TMEM232: variants seen among roughly 807,000 people sequenced by gnomAD.
TMEM232 encodes transmembrane protein 232.
In TMEM232, 80 loss-of-function variants were observed where a neutral mutation model predicts 78.8. That is an observed-to-expected ratio of 1.01 (90% confidence interval 0.85 to 1.22). The LOEUF is 1.22. Among genes scored for constraint, TMEM232 ranks in the 50% most tolerant of loss-of-function variants. TMEM232 has a pLI of 0.00. For missense variants in TMEM232, 881 were observed against 742.2 expected (o/e 1.19, Z -2.17); for synonymous variants, 297 against 254.3 (o/e 1.17, Z -1.60).
intron 12 of TMEM232, among the ~76,000 whole-genome samples, chr5:110,457,523 ATC>A (rs1041891971): frequency 6.6e-6 from 1 of 152,116 alleles, no homozygotes; most frequent in African/African-American, 2.4e-5. Flanking sequence ...TGAAATAAAA[ATC>A]TGTTTGTTCA....
At chr5:110,610,216 A>AAAGG (rs1554057504) in intron 8 of TMEM232, among the ~76,000 whole-genome samples, 4 of 131,722 alleles carry the variant, frequency 3.0e-5, no homozygotes, top group African/African-American at 1.3e-4. Flanking sequence ...GGAAGGAAGG[A>AAAGG]AGGGAGGGAG....
At chr5:110,450,559 G>T (rs185777784) in intron 12 of TMEM232, among the ~76,000 whole-genome samples, 2 of 152,020 alleles carry the variant, frequency 1.3e-5, no homozygotes, top group African/African-American at 4.8e-5. Flanking sequence ...GGTTTAGCAC[G>T]AATGCAGGTA....
chr5:110,433,465 A>G (rs934086660), intron 12 of TMEM232, among the ~76,000 whole-genome samples: 1 of 151,746 alleles, frequency 6.6e-6, no homozygotes, highest in Admixed American at 6.6e-5. Context: ...AAACTCAGGG[A>G]TGCATCAAAA....
At chr5:110,680,481 A>G (rs991314095) in intron 1 of TMEM232, among the ~76,000 whole-genome samples, 2 of 151,900 alleles carry the variant, frequency 1.3e-5, no homozygotes, top group African/African-American at 4.8e-5. Flanking sequence ...ATAAACATGA[A>G]AAGTATAAGG....
Position 110,642,262 on chromosome 5 carries a change from T to C in TMEM232, c.235A>G (p.Lys79Glu). 5 of 1,528,478 alleles carry C rather than the reference T, an allele frequency of 3.3e-6. No individual in the cohort carries two copies. The highest frequency in any genetic ancestry group is 3.5e-6 in the Non-Finnish European group (4 of 1,133,440). The allele number at this position is 1,528,478 out of a possible 1,614,324, so 94.7% of individuals were successfully genotyped here. ...ELARKIILRC[K>E]RKLGLKTLGS... Reference sequence around the variant, plus strand: ...ACAATCAAATGATATGCCATTACCTTACATCTGAGAATGATTTTTCTAGCT... The same window carrying C: ...ACAATCAAATGATATGCCATTACCTCACATCTGAGAATGATTTTTCTAGCT... The change falls in exon 3 of 14, where the codon AAG (lysine) becomes GAG (glutamate). Residue 79 changes from lysine (K) to glutamate (E), a missense_variant and splice_region_variant. Coordinates refer to ENST00000455884, the MANE Select transcript of TMEM232 (RefSeq NM_001039763.4).
At chr5:110,553,012 T>C (rs570205365) in intron 11 of TMEM232, among the ~76,000 whole-genome samples, 36 of 152,270 alleles carry the variant, frequency 2.4e-4, no homozygotes, top group African/African-American at 6.7e-4. Flanking sequence ...TTCCTCATTG[T>C]TATTGTCAAC....
intron 11 of TMEM232, among the ~76,000 whole-genome samples, chr5:110,562,150 A>C (rs1200749260): frequency 6.6e-6 from 1 of 152,100 alleles, no homozygotes; most frequent in Non-Finnish European, 1.5e-5. Context: ...TGAATTACCA[A>C]ACAAATAAAT....
At chr5:110,685,282 C>G (rs149915650) in intron 1 of TMEM232, among the ~76,000 whole-genome samples, 4 of 151,746 alleles carry the variant, frequency 2.6e-5, no homozygotes, top group Non-Finnish European at 4.4e-5. Flanking sequence ...AATTAATTAG[C>G]CAACATTACA....
In TMEM232 at chr5:110,533,451, A is replaced by G. The variant is rs867165664; in HGVS notation, c.1456-4616T>C. ...TAGCCTGTCCAAACAACTTGGACTTACTGTTTTAGCCTAGCCCTCATGTCT... is the reference window on the plus strand; with the variant it reads ...TAGCCTGTCCAAACAACTTGGACTTGCTGTTTTAGCCTAGCCCTCATGTCT... On this transcript the variant is annotated intron_variant, in intron 11 of 13. Transcript: ENST00000455884. Among the ~76,000 whole-genome samples, 9 of 152,298 alleles carry G rather than the reference A, an allele frequency of 5.9e-5. No homozygotes were observed. In the South Asian group the frequency reaches 8.3e-4, roughly 14 times the overall value.
In TMEM232 at chr5:110,656,401, T is replaced by C. The variant is rs188354007; in HGVS notation, c.125+10827A>G. The stretch of plus-strand genomic sequence containing the variant: ...TCCACAACACAGCCTTATATCCTTA[T>C]GTTAATTTTTTTTTGTTTGAGTTAG... On this transcript the variant is annotated intron_variant, in intron 2 of 13. Transcript: ENST00000455884. 3.3e-5 allele frequency among the ~76,000 whole-genome samples: 5 copies of C among 152,328 alleles called. No homozygotes were observed. In the East Asian group the frequency reaches 5.8e-4, roughly 18 times the overall value.
At chr5:110,399,071 C>G (rs562239244) in intron 2 of TMEM232, among the ~76,000 whole-genome samples, 1 of 151,818 alleles carries the variant, frequency 6.6e-6, no homozygotes, top group African/African-American at 2.4e-5. Context: ...TCCCTTTCTG[C>G]GCAAAGTAGC....
chr5:110,699,160 T>C (rs1338976796), intron 1 of TMEM232, among the ~76,000 whole-genome samples: 1 of 152,070 alleles, frequency 6.6e-6, no homozygotes, highest in Non-Finnish European at 1.5e-5. Flanking sequence ...CACCTAGCAT[T>C]TGGAGTACTG....
Position 110,605,267 on chromosome 5 carries a change from G to A in TMEM232, c.1118C>T (p.Ala373Val), listed in dbSNP as rs1349239303. ...VILAEICLYA[A>V]TSDLRKTALI... is the part of the protein sequence containing the mutation. Reference sequence around the variant, plus strand: ...AGCAGTTTTTCGCAAATCAGAAGTGGCTGCATACAAGCAGATTTCTGCAAG... The same window carrying A: ...AGCAGTTTTTCGCAAATCAGAAGTGACTGCATACAAGCAGATTTCTGCAAG... Residue 373 changes from alanine to valine, a missense_variant, in exon 10 of 14, where the codon GCC becomes GTC. Coordinates refer to ENST00000455884, the MANE Select transcript of TMEM232 (RefSeq NM_001039763.4). The A allele has an allele frequency of 7.7e-6, 12 of 1,551,208 alleles. No homozygotes were observed. Among genetic ancestry groups the A allele is most frequent in the Non-Finnish European group, 8.7e-6 (10 of 1,146,718 alleles).
chr5:110,424,335 A>G (rs1253270727), intron 13 of TMEM232, among the ~76,000 whole-genome samples: 1 of 152,198 alleles, frequency 6.6e-6, no homozygotes, highest in Non-Finnish European at 1.5e-5. Context: ...GTATTTGGTT[A>G]AGAAATTATC....
intron 1 of TMEM232, among the ~76,000 whole-genome samples, chr5:110,710,420 A>G (rs778349347): frequency 6.6e-6 from 1 of 152,148 alleles, no homozygotes; most frequent in Non-Finnish European, 1.5e-5. Context: ...TCTCACAGCA[A>G]AATCAGACAA....
intron 1 of TMEM232, among the ~76,000 whole-genome samples, chr5:110,688,808 T>C (rs527647707): frequency 1.3e-5 from 2 of 152,290 alleles, no homozygotes; most frequent in South Asian, 2.1e-4. Flanking sequence ...AAGATGGCTA[T>C]ACAATGAAAA....
intron 12 of TMEM232, among the ~76,000 whole-genome samples, chr5:110,447,701 CAAG>C (rs1759819863): frequency 6.6e-6 from 1 of 151,548 alleles, no homozygotes; most frequent in African/African-American, 2.4e-5. Flanking sequence ...CTGAAAGTCG[CAAG>C]AATAGAAAAG....
intron 2 of TMEM232, among the ~76,000 whole-genome samples, chr5:110,650,470 T>C (rs1448340477): frequency 6.6e-6 from 1 of 152,074 alleles, no homozygotes; most frequent in Non-Finnish European, 1.5e-5. Context: ...AGCCAGGTGA[T>C]CAAAATCAAC....
chr5:110,545,897 A>G (rs561149995), intron 11 of TMEM232, among the ~76,000 whole-genome samples: 7 of 152,236 alleles, frequency 4.6e-5, no homozygotes, highest in Admixed American at 3.3e-4. Flanking sequence ...TGAATTGCCT[A>G]TACAGAAAAA....
Sources: gnomAD v4.1 joint callset for allele counts (sites outside exome capture counted in the v4.1 genomes callset) on GRCh38, gnomAD v4.1.1 for gene constraint, MANE v1.5 for transcripts, NCBI Gene and HGNC (gene_info 2026-07-23, HGNC 2026-07-21) for gene names.